CMTR2: variants seen among roughly 807,000 people sequenced by gnomAD.
CMTR2 encodes the protein cap-specific mRNA (nucleoside-2'-O-)-methyltransferase 2.
CMTR2 carries 40 observed loss-of-function variants against 49.8 expected under a neutral mutation model. The observed-to-expected ratio is 0.80, with a 90% CI of 0.62 to 1.04. CMTR2 has a LOEUF of 1.04. Ranked by LOEUF, CMTR2 falls within the 50% of genes least tolerant of loss-of-function variation. CMTR2 has a pLI of 0.00. For synonymous variants in CMTR2, 326 were observed against 315.8 expected, an observed-to-expected ratio of 1.03 and a Z score of -0.34; for missense variants, 907 against 897.2, an observed-to-expected ratio of 1.01 and a Z score of -0.14.
intron 2 of CMTR2, chr16:71,287,798 G>A (rs1201993611): frequency 1.3e-5 from 2 of 152,160 alleles, no homozygotes; most frequent in African/African-American, 4.8e-5. Context: ...AGACAAAACT[G>A]AGGTGTTTCC....
intron 2 of CMTR2, chr16:71,287,621 A>T (rs1412634792): frequency 1.3e-5 from 2 of 152,220 alleles, no homozygotes; most frequent in Non-Finnish European, 2.9e-5. Context: ...AATTGTGGAG[A>T]TGGGGTCTTG....
Position 71,283,620 on chromosome 16 carries a change from C to G in CMTR2, c.2301G>C (p.Gln767His). 6.2e-7 allele frequency: 1 copy of G among 1,610,616 alleles called. No homozygotes were observed. The highest frequency in any genetic ancestry group is 1.7e-5 in the Admixed American group (1 of 59,446). Residue 767 changes from glutamine (Q) to histidine (H), a missense_variant, in exon 3 of 3, where the codon CAG (glutamine) becomes CAC (histidine). Physicochemically the swap from Gln to His is conservative, Grantham distance 24. Coordinates refer to ENST00000434935, the MANE Select transcript of CMTR2 (RefSeq NM_018348.6). ...AGAAAGCATATGTTCAGTTTTGTAA[C>G]TGAAGGCTGTTGATAATTTCTTCTC... is the stretch of plus-strand genomic sequence containing the variant. ...REREEIINSL[Q>H]LQN
Position 71,284,966 on chromosome 16 carries a change from G to T in CMTR2, c.955C>A (p.His319Asn). 6.2e-7 allele frequency: 1 copy of T among 1,614,080 alleles called. No homozygotes were observed. Among genetic ancestry groups the T allele is most frequent in the South Asian group, 1.1e-5 (1 of 91,078 alleles). The change falls in exon 3 of 3, where the codon CAC (histidine) becomes AAC (asparagine). Residue 319 changes from histidine to asparagine, a missense_variant. Physicochemically the swap from His to Asn is moderately conservative, Grantham distance 68 (BLOSUM62 1). Coordinates refer to ENST00000434935, the MANE Select transcript of CMTR2 (RefSeq NM_018348.6). ...TGGATGGCCTCTCTCCCCTTATAGT[G>T]GAGGCAAACCACATAGACTTCGGAG... ...GNSEVYVVCL[H>N]YKGREAIHPL...
At position 71,284,823 on chromosome 16, in the gene CMTR2, G is replaced by C. The variant is rs2041686963; in HGVS notation, c.1098C>G (p.Phe366Leu). Residue 366 changes from phenylalanine (F) to leucine (L), a missense_variant, in exon 3 of 3, where the codon TTC (phenylalanine) becomes TTG (leucine). Coordinates refer to ENST00000434935, the MANE Select transcript of CMTR2 (RefSeq NM_018348.6). ...TAGTCTCTAGCTGATATTTATGAAA[G>C]AACACACAACATTCTTCATGTCTCT... Reference protein sequence around the residue: ...FLKRHEECCVFFHKYQLETIS... With the variant: ...FLKRHEECCVLFHKYQLETIS... 1 of 1,613,838 alleles carries C rather than the reference G, an allele frequency of 6.2e-7. No homozygotes were observed. The highest frequency in any genetic ancestry group is 8.5e-7 in the Non-Finnish European group (1 of 1,179,932).
At chr16:71,287,503 T>C (rs1354334866) in intron 2 of CMTR2, 1 of 152,108 alleles carries the variant, frequency 6.6e-6, no homozygotes, top group East Asian at 1.9e-4. Context: ...AGGTCATAGC[T>C]CCCTGCAGCC....
rs2041624600 is a variant in CMTR2 at position 71,282,370 on chromosome 16, A to G, written c.*1238T>C. On this transcript the variant is annotated 3_prime_UTR_variant, in exon 3 of 3. Coordinates refer to ENST00000434935, the MANE Select transcript of CMTR2 (RefSeq NM_018348.6). ...AATAGCAAAGAACATGAAAATGTTCAGATTAATATTTATTAACCAAATGCA... is the reference window on the plus strand; with the variant it reads ...AATAGCAAAGAACATGAAAATGTTCGGATTAATATTTATTAACCAAATGCA... 1 of 152,090 alleles carries G rather than the reference A, an allele frequency of 6.6e-6. No homozygotes were observed. Among genetic ancestry groups the G allele is most frequent in the African/African-American group, 2.4e-5 (1 of 41,444 alleles). 9.4% of individuals were successfully genotyped at this position (152,090 alleles called of 1,614,324 possible).
rs781564563 is a variant in CMTR2, at chr16:71,284,460, G to A, written c.1461C>T (p.Ser487=). 6.2e-7 allele frequency: 1 copy of A among 1,613,906 alleles called. No individual in the cohort carries two copies. Among genetic ancestry groups the A allele is most frequent in the South Asian group, 1.1e-5 (1 of 91,072 alleles). ...GQSSILEGTA[S]NLECHLWHIL... ...TATGCCATAAGTGACACTCAAGATT[G>A]GAAGCTGTTCCTTCTAAAATAGAAC... The change falls in exon 3 of 3, where the codon TCC becomes TCT. Residue 487 remains serine (S), a synonymous_variant. Transcript: ENST00000434935.
chr16:71,285,618 A>G lies in CMTR2; in HGVS notation c.303T>C (p.His101=). 1.9e-6 allele frequency: 3 copies of G among 1,614,112 alleles called. No individual in the cohort carries two copies. The highest frequency in any genetic ancestry group is 1.3e-5 in the African/African-American group (1 of 75,064). The part of the protein sequence containing the change: ...FTNKAGKIIS[H]VRKSVNAELC... ...GTTCAGCATTCACAGATTTTCTAAC[A>G]TGAGAAATGATTTTCCCCGCTTTAT... The change falls in exon 3 of 3, where the codon CAT becomes CAC. Residue 101 remains histidine (H), a synonymous_variant. Transcript: ENST00000434935.
In CMTR2 at chr16:71,289,378, G is replaced by A. The variant is rs1264278276; in HGVS notation, c.-322C>T. The stretch of plus-strand genomic sequence containing the variant: ...TCCGGGCCCCGCAGCCGCGAATGCC[G>A]GCAGACAGGGACCAGGAGGCACTCA... On this transcript the variant is annotated 5_prime_UTR_variant, in exon 1 of 3. Transcript: ENST00000434935. The A allele has an allele frequency of 6.6e-6, 1 of 152,244 alleles. No individual in the cohort carries two copies. Among genetic ancestry groups the A allele is most frequent in the Non-Finnish European group, 1.5e-5 (1 of 68,062 alleles). 9.4% of individuals were successfully genotyped at this position (152,244 alleles called of 1,614,324 possible). A position where few individuals can be genotyped will look rare whatever the true frequency, so the allele number is the denominator to read the frequency against.
chr16:71,289,355 C>T lies in CMTR2; in HGVS notation c.-299G>A, dbSNP rs1230006065. The T allele has an allele frequency of 2.0e-5, 3 of 152,252 alleles. No homozygotes were observed. The highest frequency in any genetic ancestry group is 2.9e-5 in the Non-Finnish European group (2 of 68,068). 9.4% of individuals were successfully genotyped at this position (152,252 alleles called of 1,614,324 possible). On this transcript the variant is annotated 5_prime_UTR_variant, in exon 1 of 3. Coordinates refer to ENST00000434935, the MANE Select transcript of CMTR2 (RefSeq NM_018348.6). ...GGCACCGGGAAGCCAGTCCCACCTCCGGGCCCCGCAGCCGCGAATGCCGGC... is the reference window on the plus strand; with the variant it reads ...GGCACCGGGAAGCCAGTCCCACCTCTGGGCCCCGCAGCCGCGAATGCCGGC...
In CMTR2 at chr16:71,284,194, T is replaced by C. The variant is rs1380370320; in HGVS notation, c.1727A>G (p.Asn576Ser). Residue 576 changes from asparagine to serine, a missense_variant, in exon 3 of 3, where the codon AAT becomes AGT. Physicochemically the swap from Asn to Ser is conservative, Grantham distance 46. Transcript: ENST00000434935. ...GCCCACCAGCAGGCACTTTATTTGA[T>C]TGCTGGGTACTACAACCTGCTCATC... ...LQDEQVVVPS[N>S]QIKCLLVGFS... 15 of 1,614,036 alleles carry C rather than the reference T, an allele frequency of 9.3e-6. No homozygotes were observed. The highest frequency in any genetic ancestry group is 4.4e-5 in the South Asian group (4 of 91,062).
rs1366509190 is a variant in CMTR2, at chr16:71,283,521, A to T, written c.*87T>A. The T allele has an allele frequency of 1.4e-6, 2 of 1,450,926 alleles. No individual in the cohort carries two copies. Among genetic ancestry groups the T allele is most frequent in the African/African-American group, 2.9e-5 (2 of 69,962 alleles). The allele number at this position is 1,450,926 out of a possible 1,614,324, so 89.9% of individuals were successfully genotyped here. The stretch of plus-strand genomic sequence containing the variant: ...CAAATGTTGGCCTTTCCCCAAAATA[A>T]AAGGTTTTTAAATTAATAGAGCAAC... On this transcript the variant is annotated 3_prime_UTR_variant, in exon 3 of 3. Coordinates refer to ENST00000434935, the MANE Select transcript of CMTR2 (RefSeq NM_018348.6).
intron 2 of CMTR2, chr16:71,286,970 A>C (rs920882138): frequency 1.3e-5 from 2 of 152,198 alleles, no homozygotes; most frequent in African/African-American, 4.8e-5. Context: ...AGGAAAAAGG[A>C]TATGAGAAGT....
In CMTR2 at chr16:71,283,911, A is replaced by G; in HGVS notation, c.2010T>C (p.Thr670=). Residue 670 remains threonine (T), a synonymous_variant, in exon 3 of 3, where the codon ACT becomes ACC. Transcript: ENST00000434935. ...GATCAGAGGATGTGGGACAAACAAA[A>G]GTGATGAATCTAAAACAACTGTGGA... The part of the protein sequence containing the change: ...FVLHSCFRFI[T]FVCPTSSDPL... The G allele has an allele frequency of 1.2e-6, 2 of 1,614,090 alleles. No individual in the cohort carries two copies. Among genetic ancestry groups the G allele is most frequent in the Non-Finnish European group, 1.7e-6 (2 of 1,179,948 alleles).
chr16:71,283,435 T>C lies in CMTR2; in HGVS notation c.*173A>G, dbSNP rs967012050. The C allele has an allele frequency of 1.5e-6, 1 of 689,174 alleles. No homozygotes were observed. Among genetic ancestry groups the C allele is most frequent in the Non-Finnish European group, 2.4e-6 (1 of 415,580 alleles). 42.7% of individuals were successfully genotyped at this position (689,174 alleles called of 1,614,324 possible). A position where few individuals can be genotyped will look rare whatever the true frequency, so the allele number is the denominator to read the frequency against. On this transcript the variant is annotated 3_prime_UTR_variant, in exon 3 of 3. Transcript: ENST00000434935. ...CGTGGAAGAGCTCTATGCCTGTGGG[T>C]GTATATACCCTAGAGATCAGAATGG... is the stretch of plus-strand genomic sequence containing the variant.
At chr16:71,287,283 A>G (rs565565720) in intron 2 of CMTR2, 11 of 152,224 alleles carry the variant, frequency 7.2e-5, no homozygotes, top group African/African-American at 2.6e-4. Flanking sequence ...TTCTTTTAGC[A>G]TTTACTTTGT....
rs371216040 is a variant in CMTR2, at chr16:71,285,605, C to G, written c.316G>C (p.Val106Leu). 21 of 1,614,136 alleles carry G rather than the reference C, an allele frequency of 1.3e-5. No individual in the cohort carries two copies. The South Asian group carries it at 1.9e-4, about 14-fold the overall frequency. ...GCTTGAGTACAAAGTTCAGCATTCACAGATTTTCTAACATGAGAAATGATT... is the reference window on the plus strand; with the variant it reads ...GCTTGAGTACAAAGTTCAGCATTCAGAGATTTTCTAACATGAGAAATGATT... ...GKIISHVRKS[V>L]NAELCTQAWC... The change falls in exon 3 of 3, where the codon GTG becomes CTG. Residue 106 changes from valine (V) to leucine (L), a missense_variant. Physicochemically the swap from Val to Leu is conservative, Grantham distance 32 (BLOSUM62 1). Coordinates refer to ENST00000434935, the MANE Select transcript of CMTR2 (RefSeq NM_018348.6).
Position 71,284,048 on chromosome 16 carries a change from A to T in CMTR2, c.1873T>A (p.Leu625Ile), listed in dbSNP as rs769903092. 1 of 1,614,068 alleles carries T rather than the reference A, an allele frequency of 6.2e-7. No homozygotes were observed. The highest frequency in any genetic ancestry group is 1.1e-5 in the South Asian group (1 of 91,076). Residue 625 changes from leucine to isoleucine, a missense_variant, in exon 3 of 3, where the codon TTA (leucine) becomes ATA (isoleucine). By Grantham distance (5) the Leu-to-Ile change is conservative (BLOSUM62 2). Transcript: ENST00000434935. ...LHDGDPTYQRLFLDCLLHSLR... is the reference protein window; with the variant it reads ...LHDGDPTYQRIFLDCLLHSLR... Reference sequence around the variant, plus strand: ...GAATGTAGAAGGCAGTCCAAAAATAAACGCTGGTAAGTTGGATCTCCATCA... The same window carrying T: ...GAATGTAGAAGGCAGTCCAAAAATATACGCTGGTAAGTTGGATCTCCATCA...
chr16:71,286,007 A>C (rs947167977), intron 2 of CMTR2, 68 bp from the exon 3 acceptor site: 10 of 1,149,836 alleles, frequency 8.7e-6, no homozygotes, highest in East Asian at 7.5e-5. Flanking sequence ...TGAGCAGCAA[A>C]TACGATCACA....
Sources: gnomAD v4.1 joint callset for allele counts on GRCh38, gnomAD v4.1.1 for gene constraint, MANE v1.5 for transcripts, NCBI Gene and HGNC (gene_info 2026-07-23, HGNC 2026-07-21) for gene names.